OPCML: variants seen among roughly 807,000 people sequenced by gnomAD.
The protein encoded by OPCML is opioid binding protein/cell adhesion molecule like, also known as opioid-binding protein/cell adhesion molecule.
A neutral mutation model predicts 37.8 loss-of-function variants in OPCML; 13 were observed. The ratio of observed to expected loss-of-function variants is 0.34; its 90% CI spans 0.22 to 0.55. The LOEUF (loss-of-function observed/expected upper bound fraction) is 0.55, where lower values mean the gene tolerates loss of function less well. Among genes scored for constraint, OPCML ranks in the 20% least tolerant of loss-of-function variants. The pLI is 0.91. For missense variants in OPCML, 341 were observed against 435.6 expected (o/e 0.78, Z 1.93); for synonymous variants, 176 against 168.8 (o/e 1.04, Z -0.33).
At chr11:133,499,957 C>T (rs1218417589) in intron 1 of OPCML, among the ~76,000 whole-genome samples, 7 of 147,156 alleles carry the variant, frequency 4.8e-5, no homozygotes, top group African/African-American at 7.5e-5. Flanking sequence ...CTGCAACCTC[C>T]GCCCCCCGGG....
intron 1 of OPCML, among the ~76,000 whole-genome samples, chr11:133,372,099 T>C (rs941865365): frequency 6.6e-6 from 1 of 152,174 alleles, no homozygotes; most frequent in African/African-American, 2.4e-5. Flanking sequence ...AGTTCTAATA[T>C]TAATATTTGA....
At chr11:132,571,224 C>T (rs543664009) in intron 3 of OPCML, among the ~76,000 whole-genome samples, 1 of 152,100 alleles carries the variant, frequency 6.6e-6, no homozygotes, top group East Asian at 2.0e-4. Flanking sequence ...GGGTCTCGGG[C>T]CTTCAGCCAC....
chr11:133,044,707 C>T (rs1454274293), intron 1 of OPCML, among the ~76,000 whole-genome samples: 2 of 152,080 alleles, frequency 1.3e-5, no homozygotes, highest in Non-Finnish European at 2.9e-5. Flanking sequence ...AGTAGCTTGC[C>T]CAGGTCACAG....
At chr11:133,024,020 C>G (rs79689777) in intron 1 of OPCML, among the ~76,000 whole-genome samples, 1,696 of 152,248 alleles carry the variant, frequency 0.011, 25 homozygotes, top group African/African-American at 0.034. Context: ...CTAATTGTTG[C>G]GCAGAAAGTG....
intron 1 of OPCML, among the ~76,000 whole-genome samples, chr11:133,230,244 A>G (rs1054152290): frequency 2.5e-4 from 38 of 152,190 alleles, no homozygotes; most frequent in African/African-American, 6.8e-4. Flanking sequence ...GGAAAGGGGA[A>G]CACTCATCTT....
intron 1 of OPCML, among the ~76,000 whole-genome samples, chr11:133,483,674 TGATAGATA>T (rs141632251): frequency 0.11 from 15,816 of 146,022 alleles, 946 homozygotes; most frequent in African/African-American, 0.15. Flanking sequence ...GATAAATAGA[TGATAGATA>T]GATAGATAGA....
chr11:133,007,198 G>A, intron 1 of OPCML: 2 of 985,382 alleles, frequency 2.0e-6, no homozygotes, highest in Non-Finnish European at 2.4e-6. Flanking sequence ...ACATAGCACA[G>A]TACAACCTAT....
chr11:133,154,221 A>T (rs79570937), intron 1 of OPCML, among the ~76,000 whole-genome samples: 3,052 of 49,604 alleles, frequency 0.062, 102 homozygotes, highest in African/African-American at 0.3. Flanking sequence ...CTTCTGATTA[A>T]AAAAAAAAAA....
intron 1 of OPCML, among the ~76,000 whole-genome samples, chr11:133,187,698 G>A (rs1938148141): frequency 6.6e-6 from 1 of 152,140 alleles, no homozygotes; most frequent in Non-Finnish European, 1.5e-5. Context: ...GAGCTACCGT[G>A]CTTAGGAATG....
intron 1 of OPCML, among the ~76,000 whole-genome samples, chr11:133,340,452 C>T (rs929592942): frequency 1.1e-4 from 16 of 152,172 alleles, no homozygotes; most frequent in Non-Finnish European, 1.8e-4. Flanking sequence ...TTCCCCACCT[C>T]CTCTTTTTAT....
chr11:132,657,940 C>T (rs1338230682), intron 2 of OPCML, among the ~76,000 whole-genome samples: 1 of 152,186 alleles, frequency 6.6e-6, no homozygotes, highest in East Asian at 1.9e-4. Context: ...AAATTATCAG[C>T]AGAATCCCTG....
chr11:132,690,151 G>A (rs1039328313), intron 2 of OPCML, among the ~76,000 whole-genome samples: 3 of 152,094 alleles, frequency 2.0e-5, no homozygotes, highest in African/African-American at 4.8e-5. Flanking sequence ...TGTTGCCCAG[G>A]TTGGCCTCAA....
intron 1 of OPCML, chr11:133,301,144 TCTC>T (rs1174376918): frequency 6.6e-6 from 1 of 152,158 alleles, no homozygotes; most frequent in African/African-American, 2.4e-5. Context: ...TTCTAACAAC[TCTC>T]CTTTCACTCT....
chr11:133,093,269 T>G (rs1948942215), intron 1 of OPCML, among the ~76,000 whole-genome samples: 1 of 151,582 alleles, frequency 6.6e-6, no homozygotes, highest in African/African-American at 2.4e-5. Flanking sequence ...GTATCGTTCT[T>G]TTTTTTCCAT....
chr11:132,657,501 A>G (rs1243285823), intron 2 of OPCML, 182 bp from the exon 3 acceptor site: 1 of 793,612 alleles, frequency 1.3e-6, no homozygotes. Context: ...GACCAGAATC[A>G]TCTTGAAGAA....
intron 3 of OPCML, among the ~76,000 whole-genome samples, chr11:132,656,223 C>A (rs907463393): frequency 6.6e-6 from 1 of 152,082 alleles, no homozygotes; most frequent in Non-Finnish European, 1.5e-5. Context: ...GGGTCAAGTT[C>A]AAAATAAGTT....
intron 1 of OPCML, among the ~76,000 whole-genome samples, chr11:133,048,966 T>G (rs994989426): frequency 3.3e-5 from 5 of 152,234 alleles, no homozygotes; most frequent in Admixed American, 2.6e-4. Flanking sequence ...AGATAAATGT[T>G]TTCCATTGAT....
chr11:132,661,907 A>G (rs1167655446), intron 2 of OPCML, among the ~76,000 whole-genome samples: 1 of 152,226 alleles, frequency 6.6e-6, no homozygotes, highest in Non-Finnish European at 1.5e-5. Context: ...ACAGATAAGA[A>G]AAAAGGAAAG....
At chr11:132,585,633 G>A (rs2096470962) in intron 3 of OPCML, among the ~76,000 whole-genome samples, 1 of 152,068 alleles carries the variant, frequency 6.6e-6, no homozygotes, top group Admixed American at 6.6e-5. Flanking sequence ...GTGTCACTAA[G>A]GATGGGTCAA....
Sources: gnomAD v4.1 joint callset for allele counts (sites outside exome capture counted in the v4.1 genomes callset) on GRCh38, gnomAD v4.1.1 for gene constraint, MANE v1.5 for transcripts, NCBI Gene and HGNC (gene_info 2026-07-23, HGNC 2026-07-21) for gene names.